The following ZNF407 variants were observed in gnomAD, a reference collection of about 807,000 sequenced individuals.
ZNF407 encodes zinc finger protein 407.
A neutral mutation model predicts 131.2 loss-of-function variants in ZNF407; 17 were observed. The observed-to-expected ratio is 0.13, with a 90% confidence interval of 0.09 to 0.19. The LOEUF is 0.19. Ranked by LOEUF, ZNF407 falls within the 10% of genes least tolerant of loss-of-function variation. The pLI, the probability that ZNF407 is intolerant of heterozygous loss-of-function variation, is 1.00. For synonymous variants in ZNF407, 1,156 were observed against 1,062.0 expected (o/e 1.09, Z -1.72); for missense variants, 2,681 against 2,830.6 (o/e 0.95, Z 1.20).
rs553432633 is a variant in ZNF407, at chr18:74,763,637, A to T, written c.4803-17791A>T. 5.3e-5 allele frequency among the ~76,000 whole-genome samples: 8 copies of T among 151,722 alleles called. No homozygotes were observed. The East Asian group carries it at 1.5e-3, about 29-fold the overall frequency. ...GTAAGGTATAAAATGAAGGTAGTTAACATTTTTTTGTAGTCTTCATTTTTT... is the reference window on the plus strand; with the variant it reads ...GTAAGGTATAAAATGAAGGTAGTTATCATTTTTTTGTAGTCTTCATTTTTT... On this transcript the variant is annotated intron_variant, in intron 3 of 8. Transcript: ENST00000299687.
At chr18:74,928,956 T>C (rs1971948094) in intron 8 of ZNF407, among the ~76,000 whole-genome samples, 1 of 152,144 alleles carries the variant, frequency 6.6e-6, no homozygotes, top group South Asian at 2.1e-4. Flanking sequence ...GAAAAAAGTA[T>C]CCTTTCTACT....
intron 4 of ZNF407, among the ~76,000 whole-genome samples, chr18:74,857,459 C>A (rs973227075): frequency 6.6e-6 from 1 of 151,924 alleles, no homozygotes; most frequent in African/African-American, 2.4e-5. Flanking sequence ...TATTGAGCAC[C>A]TGTTAGGTGC....
intron 8 of ZNF407, among the ~76,000 whole-genome samples, chr18:75,017,127 T>C (rs532044313): frequency 6.6e-6 from 1 of 152,250 alleles, no homozygotes; most frequent in Admixed American, 6.5e-5. Context: ...AAATGGATAG[T>C]TTTGTCTGAG....
Position 74,795,875 on chromosome 18 carries a change from A to G in ZNF407, c.4877+14373A>G, listed in dbSNP as rs1298561353. 3.3e-5 allele frequency among the ~76,000 whole-genome samples: 5 copies of G among 152,378 alleles called. No individual in the cohort carries two copies. The East Asian group carries it at 9.6e-4, about 29-fold the overall frequency. ...GTAATAAAAGTCACATGCAAAAGCAATGGAGTGTTATAGAGCCATTATATA... is the reference window on the plus strand; with the variant it reads ...GTAATAAAAGTCACATGCAAAAGCAGTGGAGTGTTATAGAGCCATTATATA... On this transcript the variant is annotated intron_variant, in intron 4 of 8. Coordinates refer to ENST00000299687, the MANE Select transcript of ZNF407 (RefSeq NM_017757.3).
chr18:75,055,673 C>CA (rs1350591423), intron 8 of ZNF407, among the ~76,000 whole-genome samples: 1 of 152,178 alleles, frequency 6.6e-6, no homozygotes, highest in Admixed American at 6.5e-5. Flanking sequence ...TAGAAACCTG[C>CA]ATGATTATGT....
At chr18:74,766,007 CTCTGTGTGTGTGTGTGTGTG>C (rs1268512038) in intron 3 of ZNF407, among the ~76,000 whole-genome samples, 2 of 122,014 alleles carry the variant, frequency 1.6e-5, no homozygotes, top group Non-Finnish European at 3.4e-5. Flanking sequence ...ACGCATATTA[CTCTGTGTGTGTGTGTGTGTG>C]TGTGTGTGTG....
intron 3 of ZNF407, among the ~76,000 whole-genome samples, chr18:74,702,606 C>T (rs1358032248): frequency 6.6e-6 from 1 of 151,910 alleles, no homozygotes; most frequent in Non-Finnish European, 1.5e-5. Flanking sequence ...ACATTTAGTT[C>T]TTCTATGCAT....
At chr18:74,599,508 T>C (rs1982483091) in intron 1 of ZNF407, among the ~76,000 whole-genome samples, 2 of 152,334 alleles carry the variant, frequency 1.3e-5, no homozygotes, top group South Asian at 4.1e-4. Context: ...TCTGGTTGAA[T>C]AGACACATAA....
intron 8 of ZNF407, among the ~76,000 whole-genome samples, chr18:75,027,218 A>G (rs986275735): frequency 1.3e-5 from 2 of 152,240 alleles, no homozygotes; most frequent in Non-Finnish European, 2.9e-5. Flanking sequence ...GCTGTGCGGC[A>G]CATTCAAGGC....
chr18:74,765,309 C>A (rs1275189010), intron 3 of ZNF407, among the ~76,000 whole-genome samples: 1 of 151,840 alleles, frequency 6.6e-6, no homozygotes, highest in Non-Finnish European at 1.5e-5. Flanking sequence ...CATATTTTTA[C>A]ACTTCTTTGC....
intron 3 of ZNF407, among the ~76,000 whole-genome samples, chr18:74,725,766 T>C (rs984506470): frequency 2.6e-5 from 4 of 152,196 alleles, no homozygotes; most frequent in African/African-American, 9.7e-5. Context: ...AGCTTGACAT[T>C]TGAGCAGGTG....
intron 8 of ZNF407, among the ~76,000 whole-genome samples, chr18:74,954,778 A>G (rs1972256686): frequency 6.6e-6 from 1 of 152,228 alleles, no homozygotes. Context: ...ACCTTAGCCC[A>G]TTCCAGCCAC....
At chr18:74,899,623 G>C (rs2006699) in intron 7 of ZNF407, among the ~76,000 whole-genome samples, 1 of 151,992 alleles carries the variant, frequency 6.6e-6, no homozygotes, top group Non-Finnish European at 1.5e-5. Flanking sequence ...TGTTTTCCTT[G>C]GAAAATGTGA....
At chr18:74,940,756 G>A (rs78973955) in intron 8 of ZNF407, among the ~76,000 whole-genome samples, 1,735 of 152,212 alleles carry the variant, frequency 0.011, 33 homozygotes, top group African/African-American at 0.038. Flanking sequence ...TCCTGTCTGC[G>A]GCGCACAGCT....
chr18:74,991,710 G>C (rs1972720956), intron 8 of ZNF407, among the ~76,000 whole-genome samples: 1 of 151,962 alleles, frequency 6.6e-6, no homozygotes, highest in African/African-American at 2.4e-5. Context: ...TAACATTTCT[G>C]AGCCCACTGA....
At chr18:74,764,447 T>G (rs1171476861) in intron 3 of ZNF407, among the ~76,000 whole-genome samples, 1 of 152,226 alleles carries the variant, frequency 6.6e-6, no homozygotes, top group Non-Finnish European at 1.5e-5. Context: ...TCCATCTCTC[T>G]ACAGTCGATC....
intron 4 of ZNF407, among the ~76,000 whole-genome samples, chr18:74,816,829 G>T (rs1970273819): frequency 6.6e-6 from 1 of 152,030 alleles, no homozygotes; most frequent in Non-Finnish European, 1.5e-5. Flanking sequence ...TTAAATTGGT[G>T]GTATAATTTA....
At chr18:74,840,389 CA>C (rs1476555830) in intron 4 of ZNF407, among the ~76,000 whole-genome samples, 1 of 152,036 alleles carries the variant, frequency 6.6e-6, no homozygotes, top group African/African-American at 2.4e-5. Context: ...CCCAATCCTC[CA>C]GGTCATATTT....
chr18:74,748,353 A>G, intron 3 of ZNF407, among the ~76,000 whole-genome samples: 1 of 151,828 alleles, frequency 6.6e-6, no homozygotes, highest in Non-Finnish European at 1.5e-5. Flanking sequence ...TATCTGGACA[A>G]CACTGATCAG....
Sources: allele counts gnomAD v4.1 joint callset (sites outside exome capture counted in the v4.1 genomes callset), GRCh38; gene constraint gnomAD v4.1.1; transcripts MANE v1.5; gene names NCBI Gene and HGNC (gene_info 2026-07-23, HGNC 2026-07-21).